The following CDHR3 variants were observed in gnomAD, a reference collection of about 807,000 sequenced individuals.
The protein encoded by CDHR3 is cadherin-related family member 3.
In CDHR3, 79 loss-of-function variants were observed where a neutral mutation model predicts 86.6. That is an observed-to-expected ratio of 0.91 (90% CI 0.76 to 1.10). The LOEUF (loss-of-function observed/expected upper bound fraction) is 1.10, where lower values mean the gene tolerates loss of function less well. CDHR3 is among the 50% of genes least tolerant of loss of function. CDHR3 has a pLI of 0.00. For missense variants in CDHR3, 1,081 were observed against 1,077.6 expected (o/e 1.00, Z -0.04); for synonymous variants, 421 against 402.4 (o/e 1.05, Z -0.55).
intron 2 of CDHR3, 127 bp downstream of exon 2, chr7:105,975,173 G>C: frequency 1.2e-6 from 1 of 850,354 alleles, no homozygotes; most frequent in Non-Finnish European, 1.9e-6. Flanking sequence ...GTAAGGTCCA[G>C]GAGTCCTGTC....
rs760505550 is a variant in CDHR3, at chr7:105,981,126, G to A, written c.408G>A (p.Leu136=). The A allele has an allele frequency of 1.9e-6, 3 of 1,613,424 alleles. No individual in the cohort carries two copies. The highest frequency in any genetic ancestry group is 2.2e-5 in the East Asian group (1 of 44,874). Residue 136 remains leucine (L), a synonymous_variant, in exon 3 of 19, where the codon TTG becomes TTA. Transcript: ENST00000317716. ...VNEPPQFQGN[L]AEGLHLYIVE... Reference sequence around the variant, plus strand: ...AGCCACCTCAGTTTCAAGGCAACTTGGCAGAAGGTAGGATACACCAGGATG... The same window carrying A: ...AGCCACCTCAGTTTCAAGGCAACTTAGCAGAAGGTAGGATACACCAGGATG...
At chr7:106,025,680 A>G (rs1330742708) in intron 15 of CDHR3, among the ~76,000 whole-genome samples, 1 of 152,242 alleles carries the variant, frequency 6.6e-6, no homozygotes, top group Non-Finnish European at 1.5e-5. Flanking sequence ...TAACTGTCAA[A>G]TAAGAAAATC....
At chr7:105,966,852 C>T (rs1827016006) in intron 1 of CDHR3, among the ~76,000 whole-genome samples, 1 of 152,178 alleles carries the variant, frequency 6.6e-6, no homozygotes, top group African/African-American at 2.4e-5. Context: ...CATAGTGATG[C>T]TCTAAGATAA....
At chr7:106,028,988 CT>C (rs1402387806) in intron 17 of CDHR3, among the ~76,000 whole-genome samples, 1 of 138,304 alleles carries the variant, frequency 7.2e-6, no homozygotes, top group African/African-American at 2.7e-5. Flanking sequence ...TTCTTTCTTT[CT>C]TTCTTTTTAA....
At chr7:105,983,252 A>C (rs1830037607) in intron 3 of CDHR3, among the ~76,000 whole-genome samples, 1 of 152,156 alleles carries the variant, frequency 6.6e-6, no homozygotes, top group African/African-American at 2.4e-5. Flanking sequence ...CAGAGCGCTC[A>C]GTAGATATTT....
intron 4 of CDHR3, among the ~76,000 whole-genome samples, chr7:105,984,548 C>G (rs993521305): frequency 3.9e-5 from 6 of 152,104 alleles, no homozygotes; most frequent in African/African-American, 1.2e-4. Context: ...CATCTGTAAA[C>G]AAAGAAGAGT....
At chr7:105,978,087 G>C (rs1829100829) in intron 2 of CDHR3, among the ~76,000 whole-genome samples, 1 of 152,210 alleles carries the variant, frequency 6.6e-6, no homozygotes, top group South Asian at 2.1e-4. Flanking sequence ...ACTTGCCCAA[G>C]TTCACATAAC....
At position 105,963,365 on chromosome 7, in the gene CDHR3, GTAGGAACTCAATT is replaced by G; in HGVS notation, c.46+3_46+15del. The G allele has an allele frequency of 6.2e-7, 1 of 1,613,950 alleles. No homozygotes were observed. Among genetic ancestry groups the G allele is most frequent in the South Asian group, 1.1e-5 (1 of 91,092 alleles). On this transcript the variant is annotated splice_donor_variant and splice_donor_5th_base_variant and intron_variant, in intron 1 of 18. Coordinates refer to ENST00000317716, the MANE Select transcript of CDHR3 (RefSeq NM_152750.5). LOFTEE classifies it high-confidence loss of function. ...CTGGCTCTCCTGGGTGCCATGTCAG[GTAGGAACTCAATT>G]TTGCTTTGGAACCTTGCTTGCCTAC...
rs200623269 is a variant in CDHR3 at position 105,996,345 on chromosome 7, G to A, written c.704G>A (p.Arg235His). The change falls in exon 6 of 19, where the codon CGC becomes CAC. Residue 235 changes from arginine (R) to histidine (H), a missense_variant. Transcript: ENST00000317716. ...NIVNLNDEVP[R>H]FTSPTRVYTV... ...GTGAACCTCAACGACGAAGTCCCTC[G>A]CTTTACCAGGTAGGCCTGAGGGCAT... 5.0e-4 allele frequency: 800 copies of A among 1,589,744 alleles called. No individual in the cohort carries two copies. The highest frequency in any genetic ancestry group is 6.7e-4 in the Non-Finnish European group (773 of 1,161,810).
chr7:105,964,078 G>A lies in CDHR3; in HGVS notation c.46+714G>A, dbSNP rs138075292. On this transcript the variant is annotated intron_variant, in intron 1 of 18. Transcript: ENST00000317716. ...GTAAAATACTTAGAAGAGTGTCTGA[G>A]TACATAGTAAATGCTTAGTAAATGT... Among the ~76,000 whole-genome samples, 6 of 152,240 alleles carry A rather than the reference G, an allele frequency of 3.9e-5. No individual in the cohort carries two copies. In the East Asian group the frequency reaches 9.6e-4, roughly 24 times the overall value.
intron 4 of CDHR3, among the ~76,000 whole-genome samples, chr7:105,992,959 G>C (rs1265393554): frequency 1.3e-5 from 2 of 152,144 alleles, no homozygotes; most frequent in Non-Finnish European, 2.9e-5. Flanking sequence ...CGTTATATTG[G>C]CCTCAAAGGA....
In CDHR3 at chr7:106,030,831, A is replaced by G; in HGVS notation, c.2344A>G (p.Ile782Val). ...GAACACTATCTTTGATGGAGAAGCC[A>G]TAGATCCAGGTAATTAAGTGGCAAT... ...QMNTIFDGEA[I>V]DPVTGETYEF... The change falls in exon 18 of 19, where the codon ATA becomes GTA. Residue 782 changes from isoleucine (I) to valine (V), a missense_variant. By Grantham distance (29) the Ile-to-Val change is conservative. Coordinates refer to ENST00000317716, the MANE Select transcript of CDHR3 (RefSeq NM_152750.5). This position sits in a 1 kb window ranked among gnomAD's most constrained non-coding sequence, Gnocchi z 4.8. 1 of 1,611,004 alleles carries G rather than the reference A, an allele frequency of 6.2e-7. No individual in the cohort carries two copies. Among genetic ancestry groups the G allele is most frequent in the Non-Finnish European group, 8.5e-7 (1 of 1,178,634 alleles).
At chr7:105,995,264 T>C (rs1832009435) in intron 5 of CDHR3, among the ~76,000 whole-genome samples, 1 of 152,208 alleles carries the variant, frequency 6.6e-6, no homozygotes, top group Non-Finnish European at 1.5e-5. Context: ...TCAGAGCACA[T>C]AGGCTCAAGC....
intron 8 of CDHR3, among the ~76,000 whole-genome samples, chr7:106,012,158 G>A (rs1404579196): frequency 6.6e-6 from 1 of 151,886 alleles, no homozygotes; most frequent in Non-Finnish European, 1.5e-5. Context: ...CAAGAAAAAA[G>A]CAAAGATCTT....
intron 16 of CDHR3, 76 bp downstream of exon 16, chr7:106,026,771 G>A (rs1446534483): frequency 1.6e-5 from 24 of 1,484,398 alleles, no homozygotes; most frequent in East Asian, 2.3e-5. Context: ...GTTCCTACTC[G>A]GCAAAGAATC....
Position 106,028,601 on chromosome 7 carries a change from G to C in CDHR3, c.2304+19G>C, listed in dbSNP as rs749307828. On this transcript the variant is annotated intron_variant, in intron 17 of 18. Transcript: ENST00000317716. Reference sequence around the variant, plus strand: ...CGTGGTGGTGAGTATGGGCAGTGTGGGGCACCAGGCATAGACGCTGGGGGA... The same window carrying C: ...CGTGGTGGTGAGTATGGGCAGTGTGCGGCACCAGGCATAGACGCTGGGGGA... 1 of 1,613,754 alleles carries C rather than the reference G, an allele frequency of 6.2e-7. No homozygotes were observed. The highest frequency in any genetic ancestry group is 1.1e-5 in the South Asian group (1 of 91,032).
intron 11 of CDHR3, among the ~76,000 whole-genome samples, chr7:106,017,052 A>C (rs1478694828): frequency 6.6e-6 from 1 of 152,246 alleles, no homozygotes; most frequent in African/African-American, 2.4e-5. Flanking sequence ...AAAATGGAAG[A>C]GGATTTAAAA....
rs779706350 is a variant in CDHR3, at chr7:106,015,145, A to C, written c.1259A>C (p.Asn420Thr). 3 of 1,610,802 alleles carry C rather than the reference A, an allele frequency of 1.9e-6. No individual in the cohort carries two copies. The highest frequency in any genetic ancestry group is 2.5e-6 in the Non-Finnish European group (3 of 1,178,670). The change falls in exon 10 of 19, where the codon AAC (asparagine) becomes ACC (threonine). Residue 420 changes from asparagine to threonine, a missense_variant. By Grantham distance (65) the Asn-to-Thr change is moderately conservative. Transcript: ENST00000317716. The part of the protein sequence containing the change: ...IGDLDYENPS[N>T]LAAGNKYTVI... ...GATCTAGACTACGAAAATCCAAGTAACCTAGCAGCCGGCAATAAATATACG... is the reference window on the plus strand; with the variant it reads ...GATCTAGACTACGAAAATCCAAGTACCCTAGCAGCCGGCAATAAATATACG...
At chr7:105,981,178 A>G (rs1265351296) in intron 3 of CDHR3, 45 bp downstream of exon 3, 3 of 1,588,058 alleles carry the variant, frequency 1.9e-6, no homozygotes, top group Non-Finnish European at 1.7e-6. Flanking sequence ...CAGTGGCATC[A>G]GGGAGGGCCC....
Sources: gnomAD v4.1 joint callset for allele counts (sites outside exome capture counted in the v4.1 genomes callset) on GRCh38, gnomAD v4.1.1 for gene constraint, Gnocchi (gnomAD v3.1) non-coding constraint, MANE v1.5 for transcripts, NCBI Gene and HGNC (gene_info 2026-07-23, HGNC 2026-07-21) for gene names.